The following ODAD2 variants were observed in gnomAD, a reference collection of about 807,000 sequenced individuals.
ODAD2 encodes outer dynein arm-docking complex subunit 2.
In ODAD2, 89 loss-of-function variants were observed where a neutral mutation model predicts 106.8. That is an observed-to-expected ratio of 0.83 (90% CI 0.70 to 0.99). The LOEUF (loss-of-function observed/expected upper bound fraction) is 0.99, where lower values mean the gene tolerates loss of function less well. ODAD2 is among the 50% of genes least tolerant of loss of function. ODAD2 has a pLI of 0.00. For synonymous variants in ODAD2, 404 were observed against 436.2 expected (o/e 0.93, Z 0.92); for missense variants, 1,168 against 1,238.5 (o/e 0.94, Z 0.85).
At chr10:27,935,289 G>T in intron 15 of ODAD2, 37 bp from the exon 16 acceptor site, 1 of 1,607,760 alleles carries the variant, frequency 6.2e-7, no homozygotes, top group Non-Finnish European at 8.5e-7. Flanking sequence ...ATTGGTTTTT[G>T]TATAAGGTTT....
At chr10:27,870,514 C>T (rs1481872312) in intron 17 of ODAD2, among the ~76,000 whole-genome samples, 1 of 152,084 alleles carries the variant, frequency 6.6e-6, no homozygotes, top group East Asian at 1.9e-4. Context: ...ATCCCCCAAC[C>T]CCATGACAGG....
chr10:27,987,753 T>C (rs765119649), intron 2 of ODAD2, among the ~76,000 whole-genome samples: 40 of 151,968 alleles, frequency 2.6e-4, no homozygotes, highest in African/African-American at 4.1e-4. Flanking sequence ...TAGTGACCAA[T>C]AGGATATAAC....
chr10:27,909,691 G>A (rs1044440230), intron 16 of ODAD2, among the ~76,000 whole-genome samples: 4 of 151,776 alleles, frequency 2.6e-5, no homozygotes, highest in Admixed American at 1.3e-4. Flanking sequence ...GGTGGCACGC[G>A]CCTGTAGTCC....
intron 17 of ODAD2, among the ~76,000 whole-genome samples, chr10:27,883,115 G>A (rs1841859362): frequency 6.6e-6 from 1 of 151,884 alleles, no homozygotes; most frequent in African/African-American, 2.4e-5. Context: ...GATCTCAGAA[G>A]GCCTTAGTTT....
chr10:27,984,312 T>C lies in ODAD2; in HGVS notation c.576-22A>G, dbSNP rs746202600. On this transcript the variant is annotated intron_variant, in intron 4 of 19. Transcript: ENST00000305242. ...TTCTCTGAAATAAATGTTTAAAATG[T>C]CAGCTTAAATACTTTAAACAGAATC... 36 of 1,478,254 alleles carry C rather than the reference T, an allele frequency of 2.4e-5. No homozygotes were observed. The Admixed American group carries it at 6.1e-4, about 25-fold the overall frequency. 91.6% of individuals were successfully genotyped at this position (1,478,254 alleles called of 1,614,324 possible). A position where few individuals can be genotyped will look rare whatever the true frequency, so the allele number is the denominator to read the frequency against.
chr10:27,883,828 G>A (rs1385934028), intron 17 of ODAD2, among the ~76,000 whole-genome samples: 2 of 152,046 alleles, frequency 1.3e-5, no homozygotes, highest in African/African-American at 4.8e-5. Flanking sequence ...GCAGGCAGAA[G>A]AGACACTCAG....
chr10:27,975,066 G>T (rs912612125), intron 7 of ODAD2, among the ~76,000 whole-genome samples: 2 of 152,062 alleles, frequency 1.3e-5, no homozygotes, highest in Non-Finnish European at 2.9e-5. Flanking sequence ...CAGGAATTCT[G>T]GTGATTTTTG....
At chr10:27,868,851 T>C (rs1840647385) in intron 17 of ODAD2, among the ~76,000 whole-genome samples, 1 of 151,454 alleles carries the variant, frequency 6.6e-6, no homozygotes, top group African/African-American at 2.4e-5. Context: ...TAAAATAAAA[T>C]AAAAATAAAT....
Position 27,842,533 on chromosome 10 carries a change from T to C in ODAD2, c.3021+18092A>G, listed in dbSNP as rs530986350. On this transcript the variant is annotated intron_variant, in intron 19 of 19. Coordinates refer to ENST00000305242, the MANE Select transcript of ODAD2 (RefSeq NM_018076.5). ...GGAGTGGATAACTATTTTTCACAAA[T>C]AGTTATCAATCTTCTACCATTTGAA... Among the ~76,000 whole-genome samples the C allele has an allele frequency of 3.3e-5, 5 of 152,328 alleles. No individual in the cohort carries two copies. In the East Asian group the frequency reaches 9.7e-4, roughly 29 times the overall value.
Position 27,935,060 on chromosome 10 carries a change from C to A in ODAD2, c.2445G>T (p.Val815=), listed in dbSNP as rs1244494571. 1 of 1,613,934 alleles carries A rather than the reference C, an allele frequency of 6.2e-7. No homozygotes were observed. Among genetic ancestry groups the A allele is most frequent in the Admixed American group, 1.7e-5 (1 of 59,990 alleles). ...LLVGINQALL[V]NVTKAVGACA... The stretch of plus-strand genomic sequence containing the variant: ...AAGCACCAACTGCTTTTGTAACATT[C>A]ACAAGAAGAGCTTGGTTTATTCCAA... Residue 815 remains valine, a synonymous_variant, in exon 16 of 20, where the codon GTG becomes GTT. Transcript: ENST00000305242.
chr10:27,921,856 A>G (rs1844808347), intron 16 of ODAD2, among the ~76,000 whole-genome samples: 1 of 150,352 alleles, frequency 6.7e-6, no homozygotes. Context: ...TTGTAATTTA[A>G]TGAAAGAACT....
chr10:27,940,304 T>C (rs1192771529), intron 13 of ODAD2, among the ~76,000 whole-genome samples: 1 of 151,916 alleles, frequency 6.6e-6, no homozygotes, highest in East Asian at 1.9e-4. Context: ...GTGATATATA[T>C]ATAAATGTCA....
At chr10:27,875,210 T>C (rs1417757259) in intron 17 of ODAD2, among the ~76,000 whole-genome samples, 3 of 152,238 alleles carry the variant, frequency 2.0e-5, no homozygotes, top group Non-Finnish European at 4.4e-5. Flanking sequence ...CTCCATCACA[T>C]CATTTAAGGA....
intron 19 of ODAD2, among the ~76,000 whole-genome samples, chr10:27,831,360 G>A (rs2133000138): frequency 6.6e-6 from 1 of 152,250 alleles, no homozygotes; most frequent in African/African-American, 2.4e-5. Context: ...CCCAGGAAAG[G>A]CAGAGGGGCT....
intron 10 of ODAD2, among the ~76,000 whole-genome samples, chr10:27,960,393 C>CATGGCATGCA (rs1848048808): frequency 6.7e-6 from 1 of 149,956 alleles, no homozygotes; most frequent in Admixed American, 6.7e-5. Context: ...ACCTCCCAGG[C>CATGGCATGCA]TGGAGTGCAA....
At chr10:27,953,529 T>G (rs188148686) in intron 10 of ODAD2, among the ~76,000 whole-genome samples, 20 of 152,280 alleles carry the variant, frequency 1.3e-4, no homozygotes, top group Non-Finnish European at 2.6e-4. Flanking sequence ...AAAAACTGAT[T>G]TCAGGGACAA....
rs1351356352 is a variant in ODAD2 at position 27,936,710 on chromosome 10, G to A, written c.2252+16C>T. 1 of 1,613,462 alleles carries A rather than the reference G, an allele frequency of 6.2e-7. No homozygotes were observed. Among genetic ancestry groups the A allele is most frequent in the Non-Finnish European group, 8.5e-7 (1 of 1,179,646 alleles). On this transcript the variant is annotated intron_variant, in intron 15 of 19. Transcript: ENST00000305242. ...AGCCGTATCTTCATTTCAGAATATT[G>A]AGAGCCTTCTCTTACTTGGTAACAT...
At chr10:27,830,402 T>A (rs1160068752) in intron 19 of ODAD2, among the ~76,000 whole-genome samples, 1 of 152,190 alleles carries the variant, frequency 6.6e-6, no homozygotes, top group Non-Finnish European at 1.5e-5. Flanking sequence ...CTCAACTCGA[T>A]ACTTGGAAGA....
chr10:27,965,279 T>C (rs1369399354), intron 9 of ODAD2, among the ~76,000 whole-genome samples: 1 of 152,176 alleles, frequency 6.6e-6, no homozygotes, highest in African/African-American at 2.4e-5. Flanking sequence ...AGGAGATTTC[T>C]GCCTACGGTC....
Sources: allele counts gnomAD v4.1 joint callset (sites outside exome capture counted in the v4.1 genomes callset), GRCh38; gene constraint gnomAD v4.1.1; transcripts MANE v1.5; gene names NCBI Gene and HGNC (gene_info 2026-07-23, HGNC 2026-07-21).